The following SZT2 variants were observed in gnomAD, a reference collection of about 807,000 sequenced individuals.
SZT2 encodes the protein SZT2 subunit of KICSTOR complex.
A neutral mutation model predicts 404.2 loss-of-function variants in SZT2; 216 were observed. That is an observed-to-expected ratio of 0.53 (90% CI 0.48 to 0.60). SZT2 has a LOEUF of 0.60. SZT2 is among the 20% of genes least tolerant of loss of function. SZT2 has a pLI of 0.00. For synonymous variants in SZT2, 1,693 were observed against 1,749.9 expected, an observed-to-expected ratio of 0.97 and a Z score of 0.81; for missense variants, 3,857 against 4,459.2, an observed-to-expected ratio of 0.86 and a Z score of 3.85.
chr1:43,441,168 T>C lies in SZT2; in HGVS notation c.7345-46T>C. 2 of 1,596,720 alleles carry C rather than the reference T, an allele frequency of 1.3e-6. No individual in the cohort carries two copies. Among genetic ancestry groups the C allele is most frequent in the Non-Finnish European group, 1.7e-6 (2 of 1,169,482 alleles). On this transcript the variant is annotated intron_variant, in intron 52 of 71. Transcript: ENST00000634258. The surrounding 1 kb of genome is among the most constrained non-coding windows in gnomAD (Gnocchi z 4.8). ...TTCCATAGTGCCCCCATCCCACACC[T>C]TTCCTCTTCCCAGTAGCCCTTCCTC...
chr1:43,417,432 T>TTA (rs1017062700), intron 7 of SZT2, among the ~76,000 whole-genome samples: 6 of 152,262 alleles, frequency 3.9e-5, no homozygotes, highest in Non-Finnish European at 7.4e-5. Context: ...GAGAAGCAGT[T>TTA]GTGGTAGAGT....
At position 43,425,318 on chromosome 1, in the gene SZT2, A is replaced by G. The variant is rs2153933031; in HGVS notation, c.2645+111A>G. 1.3e-6 allele frequency: 2 copies of G among 1,513,960 alleles called. No individual in the cohort carries two copies. The highest frequency in any genetic ancestry group is 1.2e-5 in the South Asian group (1 of 82,322). 93.8% of individuals were successfully genotyped at this position (1,513,960 alleles called of 1,614,324 possible). On this transcript the variant is annotated intron_variant, in intron 18 of 71. Coordinates refer to ENST00000634258, the MANE Select transcript of SZT2 (RefSeq NM_001365999.1). The surrounding 1 kb of genome is among the most constrained non-coding windows in gnomAD (Gnocchi z 4.3). ...GATGATCTTGATCCCAAAGTCAGGGAGGGGGTGCGGTGTTTAGATGCTTCA... is the reference window on the plus strand; with the variant it reads ...GATGATCTTGATCCCAAAGTCAGGGGGGGGGTGCGGTGTTTAGATGCTTCA...
chr1:43,447,069 C>G lies in SZT2; in HGVS notation c.9187C>G (p.Leu3063Val), dbSNP rs1173281984. Residue 3063 changes from leucine to valine, a missense_variant, in exon 66 of 72, where the codon CTG becomes GTG. By Grantham distance (32) the Leu-to-Val change is conservative (BLOSUM62 1). Transcript: ENST00000634258. ...GCATCAGCACGTGCTAGGTGCCCAT[C>G]TGGTGCTGCGGCACGGCTACCACCT... ...LVHQHVLGAH[L>V]VLRHGYHLTT... The G allele has an allele frequency of 6.2e-7, 1 of 1,614,008 alleles. No individual in the cohort carries two copies. The highest frequency in any genetic ancestry group is 2.2e-5 in the East Asian group (1 of 44,880).
Position 43,437,401 on chromosome 1 carries a change from C to T in SZT2, c.6188-5C>T. The T allele has an allele frequency of 6.2e-7, 1 of 1,614,056 alleles. No homozygotes were observed. Among genetic ancestry groups the T allele is most frequent in the Non-Finnish European group, 8.5e-7 (1 of 1,180,002 alleles). On this transcript the variant is annotated splice_region_variant and splice_polypyrimidine_tract_variant and intron_variant, in intron 43 of 71. Transcript: ENST00000634258. This position sits in a 1 kb window ranked among gnomAD's most constrained non-coding sequence, Gnocchi z 5.3. Reference sequence around the variant, plus strand: ...CAGTTTCCTGAGCCCATGTTATTCCCCCAGCCATCCAGGCCCTGCGCTCTG... The same window carrying T: ...CAGTTTCCTGAGCCCATGTTATTCCTCCAGCCATCCAGGCCCTGCGCTCTG...
Position 43,450,620 on chromosome 1 carries a change from T to TGTCTTGA in SZT2, c.*142_*148dup. 1 of 1,289,216 alleles carries TGTCTTGA rather than the reference T, an allele frequency of 7.8e-7. No homozygotes were observed. Among genetic ancestry groups the TGTCTTGA allele is most frequent in the Non-Finnish European group, 1.1e-6 (1 of 934,762 alleles). 79.9% of individuals were successfully genotyped at this position (1,289,216 alleles called of 1,614,324 possible). On this transcript the variant is annotated 3_prime_UTR_variant, in exon 72 of 72. Coordinates refer to ENST00000634258, the MANE Select transcript of SZT2 (RefSeq NM_001365999.1). The surrounding 1 kb of genome is among the most constrained non-coding windows in gnomAD (Gnocchi z 4.3). ...AGTGACACCAAAGGCTTTGTAACTA[T>TGTCTTGA]GTCTTGAGGGTCTGCTGCCCCAGCC...
Position 43,441,916 on chromosome 1 carries a change from G to A in SZT2, c.7743-84G>A. ...ACCTGAGGAAGCTGAGCTAGGAGAG[G>A]TGGAAACAAGGCCCAGGGAGGTGAA... is the stretch of plus-strand genomic sequence containing the variant. On this transcript the variant is annotated intron_variant, in intron 55 of 71. Coordinates refer to ENST00000634258, the MANE Select transcript of SZT2 (RefSeq NM_001365999.1). The surrounding 1 kb of genome is among the most constrained non-coding windows in gnomAD (Gnocchi z 4.8). The A allele has an allele frequency of 1.3e-6, 2 of 1,593,030 alleles. No homozygotes were observed. The highest frequency in any genetic ancestry group is 1.7e-6 in the Non-Finnish European group (2 of 1,166,520).
rs1001442150 is a variant in SZT2, at chr1:43,428,433, C to T, written c.4113C>T (p.Ser1371=). The change falls in exon 28 of 72, where the codon AGC becomes AGT. Residue 1371 remains serine, a synonymous_variant. Coordinates refer to ENST00000634258, the MANE Select transcript of SZT2 (RefSeq NM_001365999.1). ...GPLSPGPFSS[S]MEEGAEPRER... is the part of the protein sequence containing the mutation. The stretch of plus-strand genomic sequence containing the variant: ...TCAGCCCTGGGCCCTTCAGCAGCAG[C>T]ATGGAGGAGGGTGCTGAACCTCGGG... 1.2e-6 allele frequency: 2 copies of T among 1,614,172 alleles called. No homozygotes were observed. The highest frequency in any genetic ancestry group is 2.2e-5 in the East Asian group (1 of 44,874).
rs762535326 is a variant in SZT2, at chr1:43,440,442, G to C, written c.7211-11G>C. The C allele has an allele frequency of 6.3e-7, 1 of 1,576,202 alleles. No homozygotes were observed. The highest frequency in any genetic ancestry group is 1.4e-5 in the African/African-American group (1 of 73,246). On this transcript the variant is annotated splice_polypyrimidine_tract_variant and intron_variant, in intron 51 of 71. Transcript: ENST00000634258. ...TCAGTGATGGGTGTCTGTAATGTCT[G>C]ATGTCCACAGGAAGTCTCAGGAACG...
Position 43,420,800 on chromosome 1 carries a change from G to A in SZT2, c.1313G>A (p.Arg438His), listed in dbSNP as rs12034650. The stretch of plus-strand genomic sequence containing the variant: ...GTGCTGCTGTGGAAACACAACATGC[G>A]CATTGAGTATGTGGCTATGGCACCC... ...KLVLLWKHNM[R>H]IEYVAMAPWP... is the part of the protein sequence containing the mutation. Residue 438 changes from arginine to histidine, a missense_variant, in exon 10 of 72, where the codon CGC becomes CAC. By Grantham distance (29) the Arg-to-His change is conservative. Around this residue, in one of 7 missense-constraint regions of SZT2, gnomAD observed 536 missense variants for 637.4 expected, o/e 0.84. Transcript: ENST00000634258. The surrounding 1 kb of genome is among the most constrained non-coding windows in gnomAD (Gnocchi z 5.1). The A allele has an allele frequency of 6.3e-6, 10 of 1,598,334 alleles. No individual in the cohort carries two copies. Among genetic ancestry groups the A allele is most frequent in the Admixed American group, 3.3e-5 (2 of 60,004 alleles).
chr1:43,436,854 T>C (rs1654507020), intron 42 of SZT2: 1 of 395,160 alleles, frequency 2.5e-6, no homozygotes, highest in African/African-American at 2.0e-5. Context: ...TACTGACATA[T>C]ATTATGACAG....
rs1478366724 is a variant in SZT2, at chr1:43,422,751, A to T, written c.1923-18A>T. 6.6e-7 allele frequency: 1 copy of T among 1,516,702 alleles called. No individual in the cohort carries two copies. 94.0% of individuals were successfully genotyped at this position (1,516,702 alleles called of 1,614,324 possible). On this transcript the variant is annotated intron_variant, in intron 13 of 71. Coordinates refer to ENST00000634258, the MANE Select transcript of SZT2 (RefSeq NM_001365999.1). ...CCTGCCAACCTTGGGCTGCTCACTG[A>T]CTCCCATTTCTCCCCAGTGCCCCAG...
chr1:43,422,507 G>T lies in SZT2; in HGVS notation c.1797G>T (p.Pro599=), dbSNP rs748420169. The part of the protein sequence containing the change: ...DTPIPKHLHT[P]GSNGRYSTIQ... ...CAATCCCCAAGCACTTGCACACCCC[G>T]GGCAGCAATGGGCGCTACAGCACTA... The change falls in exon 13 of 72, where the codon CCG becomes CCT. Residue 599 remains proline, a synonymous_variant. Coordinates refer to ENST00000634258, the MANE Select transcript of SZT2 (RefSeq NM_001365999.1). 2 of 1,594,714 alleles carry T rather than the reference G, an allele frequency of 1.3e-6. No homozygotes were observed. The highest frequency in any genetic ancestry group is 1.7e-5 in the Admixed American group (1 of 59,626).
chr1:43,442,283 A>G lies in SZT2; in HGVS notation c.7889A>G (p.Gln2630Arg), dbSNP rs1655148921. The G allele has an allele frequency of 1.2e-6, 2 of 1,613,624 alleles. No homozygotes were observed. Among genetic ancestry groups the G allele is most frequent in the African/African-American group, 1.3e-5 (1 of 74,932 alleles). The change falls in exon 57 of 72, where the codon CAG becomes CGG. Residue 2630 changes from glutamine (Q) to arginine (R), a missense_variant. This residue lies in a region of SZT2 where 573 missense variants were observed against 592.4 expected (regional missense o/e 0.97). Transcript: ENST00000634258. The surrounding 1 kb of genome is among the most constrained non-coding windows in gnomAD (Gnocchi z 4.5). ...CACCCTGTAGCTGCCAAAGCCATGC[A>G]GCGCTTCGAGCCAGGAGGTGATGGG... is the stretch of plus-strand genomic sequence containing the variant. ...RPTQQAAKAMQRFEPGGDGSS... is the reference protein window; with the variant it reads ...RPTQQAAKAMRRFEPGGDGSS...
At chr1:43,435,396 T>C (rs529959563) in intron 42 of SZT2, 67 bp downstream of exon 42, 9 of 1,568,546 alleles carry the variant, frequency 5.7e-6, no homozygotes, top group African/African-American at 5.4e-5. Context: ...CCGAATACTC[T>C]GGTGAAAGCT....
chr1:43,426,028 T>G lies in SZT2; in HGVS notation c.2930-10T>G. 1 of 1,613,862 alleles carries G rather than the reference T, an allele frequency of 6.2e-7. No homozygotes were observed. The highest frequency in any genetic ancestry group is 8.5e-7 in the Non-Finnish European group (1 of 1,179,888). Reference sequence around the variant, plus strand: ...GCGTCTCACTGTGTCCTGTCCTTCCTCCCTCGTAGGATTGGATCAGGGAGG... The same window carrying G: ...GCGTCTCACTGTGTCCTGTCCTTCCGCCCTCGTAGGATTGGATCAGGGAGG... On this transcript the variant is annotated splice_polypyrimidine_tract_variant and intron_variant, in intron 20 of 71. Coordinates refer to ENST00000634258, the MANE Select transcript of SZT2 (RefSeq NM_001365999.1). This position sits in a 1 kb window ranked among gnomAD's most constrained non-coding sequence, Gnocchi z 4.9.
rs761839640 is a variant in SZT2, at chr1:43,441,332, G to A, written c.7463G>A (p.Gly2488Asp). 10 of 1,614,224 alleles carry A rather than the reference G, an allele frequency of 6.2e-6. No individual in the cohort carries two copies. In the South Asian group the frequency reaches 1.1e-4, roughly 18 times the overall value. ...AAAACCGAGAGTGTTCGGACTCCTG[G>A]TGGAGCTGAGCGGGCGCCAGGCTCA... ...RHKTESVRTPGGAERAPGSDS... is the reference protein window; with the variant it reads ...RHKTESVRTPDGAERAPGSDS... The change falls in exon 53 of 72, where the codon GGT (glycine) becomes GAT (aspartate). Residue 2488 changes from glycine (G) to aspartate (D), a missense_variant. Physicochemically the swap from Gly to Asp is moderately conservative, Grantham distance 94. This residue lies in a region of SZT2 where 573 missense variants were observed against 592.4 expected (regional missense o/e 0.97). Coordinates refer to ENST00000634258, the MANE Select transcript of SZT2 (RefSeq NM_001365999.1). The surrounding 1 kb of genome is among the most constrained non-coding windows in gnomAD (Gnocchi z 4.8).
Position 43,448,251 on chromosome 1 carries a change from C to A in SZT2, c.9736C>A (p.Pro3246Thr). The change falls in exon 69 of 72, where the codon CCT (proline) becomes ACT (threonine). Residue 3246 changes from proline to threonine, a missense_variant. Transcript: ENST00000634258. This position sits in a 1 kb window ranked among gnomAD's most constrained non-coding sequence, Gnocchi z 4.2. ...GCTTATTCTAGCGCCTGGACCGGCT[C>A]CTCTGTTCCCACCACTGGCTGCAGA... is the stretch of plus-strand genomic sequence containing the variant. ...SGLILAPGPA[P>T]LFPPLAAEVG... The A allele has an allele frequency of 6.3e-7, 1 of 1,583,606 alleles. No homozygotes were observed. The highest frequency in any genetic ancestry group is 8.6e-7 in the Non-Finnish European group (1 of 1,165,330).
chr1:43,425,717 T>C lies in SZT2; in HGVS notation c.2814+75T>C. 8.1e-6 allele frequency: 13 copies of C among 1,598,732 alleles called. No homozygotes were observed. In the South Asian group the frequency reaches 1.3e-4, roughly 16 times the overall value. On this transcript the variant is annotated intron_variant, in intron 19 of 71. Transcript: ENST00000634258. This position sits in a 1 kb window ranked among gnomAD's most constrained non-coding sequence, Gnocchi z 4.3. ...CCATCTCTTTTGGAGTACTGCAGTC[T>C]GTGGGCTTCCTGGTCCCTCTGAATG...
intron 7 of SZT2, among the ~76,000 whole-genome samples, chr1:43,419,006 G>C (rs1652022743): frequency 6.6e-6 from 1 of 152,244 alleles, no homozygotes; most frequent in African/African-American, 2.4e-5. Context: ...CTGGAGATGA[G>C]AGTTAAGGAA....
Sources: allele counts gnomAD v4.1 joint callset (sites outside exome capture counted in the v4.1 genomes callset), GRCh38; gene constraint gnomAD v4.1.1; regional missense constraint gnomAD v4.1.1; non-coding constraint Gnocchi (gnomAD v3.1); transcripts MANE v1.5; gene names NCBI Gene and HGNC (gene_info 2026-07-23, HGNC 2026-07-21).